NKAIN2: variants seen among roughly 807,000 people sequenced by gnomAD.
The protein encoded by NKAIN2 is sodium/potassium-transporting ATPase subunit beta-1-interacting protein 2.
Under a neutral mutation model 32.6 loss-of-function variants are expected in NKAIN2, and 14 were observed. The observed-to-expected ratio is 0.43, with a 90% CI of 0.28 to 0.67. The LOEUF (loss-of-function observed/expected upper bound fraction) is 0.67. Among genes scored for constraint, NKAIN2 ranks in the 30% least tolerant of loss-of-function variants. The probability of loss-of-function intolerance (pLI) is 0.17; values close to 1 mark genes in which losing one functional copy is unlikely to be tolerated. For synonymous variants in NKAIN2, 80 were observed against 87.2 expected (o/e 0.92, Z 0.46); for missense variants, 198 against 258.3 (o/e 0.77, Z 1.60).
chr6:124,522,615 C>T (rs1385834199), intron 3 of NKAIN2, among the ~76,000 whole-genome samples: 1 of 152,078 alleles, frequency 6.6e-6, no homozygotes, highest in African/African-American at 2.4e-5. Flanking sequence ...TTTGCTATTG[C>T]AAATAGAAAA....
At chr6:124,573,998 C>T (rs2114924382) in intron 3 of NKAIN2, among the ~76,000 whole-genome samples, 1 of 152,160 alleles carries the variant, frequency 6.6e-6, no homozygotes, top group South Asian at 2.1e-4. Context: ...AGAAGCAGTT[C>T]CTTCTGCTTG....
At chr6:124,305,553 A>G (rs1796472767) in intron 2 of NKAIN2, among the ~76,000 whole-genome samples, 1 of 152,140 alleles carries the variant, frequency 6.6e-6, no homozygotes, top group Admixed American at 6.5e-5. Flanking sequence ...AATCTAATGA[A>G]TAAGACACCC....
At chr6:124,136,937 CT>C (rs1311296636) in intron 1 of NKAIN2, among the ~76,000 whole-genome samples, 2 of 152,018 alleles carry the variant, frequency 1.3e-5, no homozygotes, top group Non-Finnish European at 2.9e-5. Context: ...GTATTCCCCC[CT>C]GAGAATTAGA....
At chr6:123,869,979 A>G (rs1051083537) in intron 1 of NKAIN2, among the ~76,000 whole-genome samples, 1 of 152,208 alleles carries the variant, frequency 6.6e-6, no homozygotes, top group Admixed American at 6.5e-5. Context: ...TTATCAAAAC[A>G]TGATAATCTC....
At chr6:123,870,112 T>A (rs1772792119) in intron 1 of NKAIN2, among the ~76,000 whole-genome samples, 2 of 152,306 alleles carry the variant, frequency 1.3e-5, no homozygotes, top group South Asian at 4.1e-4. Flanking sequence ...TGCCAGATGG[T>A]CATTTGAGCA....
At chr6:124,176,037 G>A (rs909379353) in intron 1 of NKAIN2, among the ~76,000 whole-genome samples, 2 of 152,098 alleles carry the variant, frequency 1.3e-5, no homozygotes, top group Admixed American at 6.6e-5. Flanking sequence ...TTAGGCTCCA[G>A]ACTATCACAA....
intron 2 of NKAIN2, among the ~76,000 whole-genome samples, chr6:124,328,639 G>A (rs905645240): frequency 6.6e-6 from 1 of 152,182 alleles, no homozygotes; most frequent in Non-Finnish European, 1.5e-5. Flanking sequence ...GCACTATTTG[G>A]TGTTATAGGG....
intron 2 of NKAIN2, among the ~76,000 whole-genome samples, chr6:124,333,524 G>A (rs1389066029): frequency 1.3e-5 from 2 of 152,086 alleles, no homozygotes; most frequent in African/African-American, 4.8e-5. Context: ...GCTGGGCGTG[G>A]TGGTGGGTGC....
chr6:123,956,702 T>C (rs1777610240), intron 1 of NKAIN2, among the ~76,000 whole-genome samples: 1 of 152,176 alleles, frequency 6.6e-6, no homozygotes, highest in African/African-American at 2.4e-5. Context: ...TCATTCCAGT[T>C]CTGAGTCAGG....
At chr6:124,366,329 A>G (rs1036689488) in intron 3 of NKAIN2, among the ~76,000 whole-genome samples, 10 of 152,166 alleles carry the variant, frequency 6.6e-5, no homozygotes, top group Admixed American at 1.3e-4. Flanking sequence ...TTAAGCCAAT[A>G]TATTTGCAAT....
intron 3 of NKAIN2, among the ~76,000 whole-genome samples, chr6:124,482,659 G>C (rs1237371033): frequency 6.6e-6 from 1 of 152,132 alleles, no homozygotes; most frequent in African/African-American, 2.4e-5. Flanking sequence ...AGAAAATTAA[G>C]ACTTTTCTAT....
At chr6:124,557,128 G>T (rs1334581643) in intron 3 of NKAIN2, among the ~76,000 whole-genome samples, 1 of 152,026 alleles carries the variant, frequency 6.6e-6, no homozygotes, top group African/African-American at 2.4e-5. Flanking sequence ...CAGAATATTT[G>T]CATATAACAT....
intron 3 of NKAIN2, among the ~76,000 whole-genome samples, chr6:124,408,252 T>C (rs1364044720): frequency 1.3e-5 from 2 of 152,220 alleles, no homozygotes; most frequent in African/African-American, 2.4e-5. Context: ...TTTGGTGTTT[T>C]AGACATGAAG....
At chr6:124,528,178 G>A (rs1779390249) in intron 3 of NKAIN2, among the ~76,000 whole-genome samples, 1 of 152,264 alleles carries the variant, frequency 6.6e-6, no homozygotes, top group East Asian at 1.9e-4. Context: ...GAGAGATGCT[G>A]GTCGCAAACT....
rs534843858 is a variant in NKAIN2 at position 124,796,734 on chromosome 6, G to A, written c.535+5335G>A. On this transcript the variant is annotated intron_variant, in intron 5 of 6. Coordinates refer to ENST00000368417, the MANE Select transcript of NKAIN2 (RefSeq NM_001040214.3). The stretch of plus-strand genomic sequence containing the variant: ...GGCTTGACCTTAGAACCCTATTTGA[G>A]TGGGCCACCTTAACAACATACTTTC... Among the ~76,000 whole-genome samples, 5 of 152,280 alleles carry A rather than the reference G, an allele frequency of 3.3e-5. No homozygotes were observed. In the South Asian group the frequency reaches 1.0e-3, roughly 32 times the overall value.
chr6:124,523,426 C>T (rs1779197655), intron 3 of NKAIN2, among the ~76,000 whole-genome samples: 1 of 151,868 alleles, frequency 6.6e-6, no homozygotes, highest in African/African-American at 2.4e-5. Flanking sequence ...CTATACTTAT[C>T]AGAATTTTCT....
intron 3 of NKAIN2, among the ~76,000 whole-genome samples, chr6:124,374,526 G>A (rs1799900709): frequency 6.6e-6 from 1 of 152,118 alleles, no homozygotes. Context: ...TCAGCGTCAC[G>A]CTCTTTTGAA....
chr6:124,152,452 A>G (rs1228556128), intron 1 of NKAIN2, among the ~76,000 whole-genome samples: 3 of 151,944 alleles, frequency 2.0e-5, no homozygotes, highest in Admixed American at 6.6e-5. Flanking sequence ...ACAATAAATA[A>G]TAATGAGATA....
intron 1 of NKAIN2, among the ~76,000 whole-genome samples, chr6:124,137,088 T>A (rs553011099): frequency 6.6e-6 from 1 of 152,082 alleles, no homozygotes; most frequent in South Asian, 2.1e-4. Flanking sequence ...TTTGCTGATA[T>A]TATTGTATAC....
Sources: gnomAD v4.1 joint callset for allele counts (sites outside exome capture counted in the v4.1 genomes callset) on GRCh38, gnomAD v4.1.1 for gene constraint, MANE v1.5 for transcripts, NCBI Gene and HGNC (gene_info 2026-07-23, HGNC 2026-07-21) for gene names.